OPCML: variants seen among roughly 807,000 people sequenced by gnomAD.
OPCML encodes the protein opioid binding protein/cell adhesion molecule like.
Under a neutral mutation model 37.8 loss-of-function variants are expected in OPCML, and 13 were observed. The ratio of observed to expected loss-of-function variants is 0.34; its 90% CI spans 0.22 to 0.55. The LOEUF (loss-of-function observed/expected upper bound fraction) is 0.55. Ranked by LOEUF, OPCML falls within the 20% of genes least tolerant of loss-of-function variation. The probability of loss-of-function intolerance (pLI) is 0.91; values close to 1 mark genes in which losing one functional copy is unlikely to be tolerated. For synonymous variants in OPCML, 176 were observed against 168.8 expected, an observed-to-expected ratio of 1.04 and a Z score of -0.33; for missense variants, 341 against 435.6, an observed-to-expected ratio of 0.78 and a Z score of 1.93.
At chr11:132,940,755 A>G (rs1945549227) in intron 2 of OPCML, among the ~76,000 whole-genome samples, 1 of 152,238 alleles carries the variant, frequency 6.6e-6, no homozygotes, top group Non-Finnish European at 1.5e-5. Context: ...TAGCAGTGAA[A>G]TCAAAACCTT....
At chr11:133,227,568 C>G (rs1156234482) in intron 1 of OPCML, among the ~76,000 whole-genome samples, 2 of 151,928 alleles carry the variant, frequency 1.3e-5, no homozygotes, top group East Asian at 3.9e-4. Context: ...TTAAATATAC[C>G]GGTGGCTGTG....
intron 2 of OPCML, among the ~76,000 whole-genome samples, chr11:132,782,911 G>A (rs1344711001): frequency 1.1e-5 from 1 of 87,078 alleles, no homozygotes; most frequent in East Asian, 2.3e-4. Flanking sequence ...TATATATATA[G>A]TGTGTGTATA....
chr11:132,577,196 G>A (rs2096452977), intron 3 of OPCML, among the ~76,000 whole-genome samples: 1 of 152,102 alleles, frequency 6.6e-6, no homozygotes, highest in Non-Finnish European at 1.5e-5. Context: ...ATGAACTGTT[G>A]CTGAATTGGT....
In OPCML at chr11:133,096,278, G is replaced by A. The variant is rs138046461; in HGVS notation, c.62-153268C>T. The stretch of plus-strand genomic sequence containing the variant: ...TAAGATACTTCCTACCCATGAATAG[G>A]TATATTATTATATTAAAGTTGACAT... On this transcript the variant is annotated intron_variant, in intron 1 of 7. Coordinates refer to ENST00000524381, the MANE Select transcript of OPCML (RefSeq NM_001012393.5). Among the ~76,000 whole-genome samples, 290 of 151,928 alleles carry A rather than the reference G, an allele frequency of 1.9e-3. 1 individual carries two copies. The highest frequency in any genetic ancestry group is 6.6e-3 in the African/African-American group (274 of 41,456).
intron 1 of OPCML, among the ~76,000 whole-genome samples, chr11:133,133,765 C>T (rs932692167): frequency 2.0e-4 from 30 of 152,294 alleles, no homozygotes; most frequent in African/African-American, 6.7e-4. Flanking sequence ...CAGCCCCTTT[C>T]CCATCCACGA....
At chr11:132,548,993 G>A (rs999822299) in intron 3 of OPCML, among the ~76,000 whole-genome samples, 3 of 152,136 alleles carry the variant, frequency 2.0e-5, no homozygotes, top group Non-Finnish European at 2.9e-5. Context: ...GAACCAGAGT[G>A]ACTCCATCTT....
chr11:133,437,642 T>TG (rs140513152), intron 1 of OPCML, among the ~76,000 whole-genome samples: 2,345 of 116,712 alleles, frequency 0.02, 49 homozygotes, highest in Non-Finnish European at 0.029. Flanking sequence ...CTCTCCCCTC[T>TG]CAACCCCGCT....
At chr11:133,343,369 T>C (rs1223053521) in intron 1 of OPCML, among the ~76,000 whole-genome samples, 1 of 151,918 alleles carries the variant, frequency 6.6e-6, no homozygotes, top group East Asian at 1.9e-4. Context: ...CTCCCAAATC[T>C]CCCTCATTAG....
At chr11:132,783,028 TG>T (rs1947090096) in intron 2 of OPCML, among the ~76,000 whole-genome samples, 1 of 151,368 alleles carries the variant, frequency 6.6e-6, no homozygotes, top group African/African-American at 2.4e-5. Flanking sequence ...ATCTGATTTT[TG>T]CTTTTAGATC....
chr11:133,518,059 C>A (rs1948320057), intron 1 of OPCML, among the ~76,000 whole-genome samples: 1 of 152,096 alleles, frequency 6.6e-6, no homozygotes, highest in Non-Finnish European at 1.5e-5. Flanking sequence ...TCCAAAAGAC[C>A]CCTCATAAGC....
intron 1 of OPCML, among the ~76,000 whole-genome samples, chr11:133,509,021 T>C (rs1438653343): frequency 6.6e-6 from 1 of 152,262 alleles, no homozygotes; most frequent in African/African-American, 2.4e-5. Flanking sequence ...TGAGTGCCTA[T>C]GTGTCAGGCA....
At chr11:132,753,448 C>A (rs1945908522) in intron 2 of OPCML, among the ~76,000 whole-genome samples, 1 of 152,108 alleles carries the variant, frequency 6.6e-6, no homozygotes, top group Non-Finnish European at 1.5e-5. Context: ...AATTTAGTGT[C>A]CATTGTATGC....
At chr11:133,499,251 G>A (rs939275586) in intron 1 of OPCML, among the ~76,000 whole-genome samples, 5 of 152,134 alleles carry the variant, frequency 3.3e-5, no homozygotes, top group Admixed American at 6.5e-5. Context: ...TCGGGCGAGG[G>A]GCAGGCAGGG....
At chr11:133,321,533 G>T (rs1211972850) in intron 1 of OPCML, among the ~76,000 whole-genome samples, 1 of 152,110 alleles carries the variant, frequency 6.6e-6, no homozygotes, top group African/African-American at 2.4e-5. Flanking sequence ...TCACAGGTGG[G>T]TGGGATTTCG....
intron 2 of OPCML, among the ~76,000 whole-genome samples, chr11:132,935,897 T>C (rs1361924204): frequency 1.3e-5 from 2 of 152,322 alleles, no homozygotes; most frequent in Non-Finnish European, 1.5e-5. Context: ...CACGTTGTCT[T>C]AGGTTGCAGG....
At chr11:133,043,152 T>C (rs1947939715) in intron 1 of OPCML, among the ~76,000 whole-genome samples, 1 of 151,882 alleles carries the variant, frequency 6.6e-6, no homozygotes. Context: ...CCTCATCAAC[T>C]CTCCTCTTGT....
At chr11:133,312,297 T>C (rs1943082832) in intron 1 of OPCML, among the ~76,000 whole-genome samples, 1 of 152,084 alleles carries the variant, frequency 6.6e-6, no homozygotes, top group Non-Finnish European at 1.5e-5. Flanking sequence ...AGAAAGAATA[T>C]CCACCATCAC....
At chr11:132,558,156 A>C (rs1253430610) in intron 3 of OPCML, among the ~76,000 whole-genome samples, 1 of 151,904 alleles carries the variant, frequency 6.6e-6, no homozygotes, top group Non-Finnish European at 1.5e-5. Flanking sequence ...CTTCATACCC[A>C]GCTTCAGTTT....
chr11:133,474,993 C>T (rs1947206808), intron 1 of OPCML, among the ~76,000 whole-genome samples: 2 of 152,158 alleles, frequency 1.3e-5, no homozygotes, highest in Admixed American at 6.5e-5. Context: ...CAGGCACCTA[C>T]CACGGTTACC....
Sources: allele counts gnomAD v4.1 joint callset (sites outside exome capture counted in the v4.1 genomes callset), GRCh38; gene constraint gnomAD v4.1.1; transcripts MANE v1.5; gene names NCBI Gene and HGNC (gene_info 2026-07-23, HGNC 2026-07-21).